The following SHISA9 variants were observed in gnomAD, a reference collection of about 807,000 sequenced individuals.
SHISA9 encodes the protein protein shisa-9.
A neutral mutation model predicts 38.0 loss-of-function variants in SHISA9; 13 were observed. The ratio of observed to expected loss-of-function variants is 0.34; its 90% confidence interval spans 0.22 to 0.54. SHISA9 has a LOEUF of 0.54. Ranked by LOEUF, SHISA9 falls within the 20% of genes least tolerant of loss-of-function variation. The pLI is 0.91. For missense variants in SHISA9, 538 were observed against 575.8 expected, an observed-to-expected ratio of 0.93 and a Z score of 0.67; for synonymous variants, 275 against 242.0, an observed-to-expected ratio of 1.14 and a Z score of -1.27.
intron 2 of SHISA9, among the ~76,000 whole-genome samples, chr16:13,001,274 A>G (rs762740780): frequency 2.4e-4 from 36 of 152,218 alleles, no homozygotes; most frequent in Non-Finnish European, 4.7e-4. Context: ...CTTGTGGCAC[A>G]GACTCCAGAT....
chr16:13,104,548 A>G (rs1160661926), intron 2 of SHISA9, among the ~76,000 whole-genome samples: 1 of 152,252 alleles, frequency 6.6e-6, no homozygotes, highest in African/African-American at 2.4e-5. Context: ...GATATCTGCT[A>G]CAACATGGGT....
chr16:13,288,789 T>TAAAACAAAAACAAAAACA, the SHISA9 span, among the ~76,000 whole-genome samples: 1 of 151,964 alleles, frequency 6.6e-6, no homozygotes, highest in Admixed American at 6.5e-5. Flanking sequence ...GACTCTGTCT[T>TAAAACAAAAACAAAAACA]AAAACAAAAA....
At chr16:13,267,099 A>G in the SHISA9 span, among the ~76,000 whole-genome samples, 1 of 152,200 alleles carries the variant, frequency 6.6e-6, no homozygotes, top group Admixed American at 6.5e-5. Context: ...TATTTTTAAA[A>G]ATGTCTTTAA....
At chr16:13,362,446 A>G in the SHISA9 span, among the ~76,000 whole-genome samples, 1 of 152,012 alleles carries the variant, frequency 6.6e-6, no homozygotes, top group Non-Finnish European at 1.5e-5. Context: ...AAAACAAAAC[A>G]AAACAAACAA....
the SHISA9 span, among the ~76,000 whole-genome samples, chr16:13,351,225 T>C: frequency 2.3e-4 from 35 of 152,260 alleles, no homozygotes; most frequent in Middle Eastern, 3.4e-3. Context: ...GTCCCTTACC[T>C]ACACTGCCTG....
the SHISA9 span, among the ~76,000 whole-genome samples, chr16:13,398,700 C>G: frequency 7.2e-5 from 11 of 151,912 alleles, no homozygotes; most frequent in Admixed American, 7.2e-4. Flanking sequence ...TTAGTAGAGA[C>G]AGAGTTTCAC....
At chr16:13,521,368 C>T in the SHISA9 span, among the ~76,000 whole-genome samples, 2 of 152,130 alleles carry the variant, frequency 1.3e-5, no homozygotes, top group African/African-American at 4.8e-5. Flanking sequence ...CTATTTTTTC[C>T]AAAACCCCTA....
intron 1 of SHISA9, among the ~76,000 whole-genome samples, chr16:12,907,832 G>T (rs1012380885): frequency 6.6e-6 from 1 of 152,168 alleles, no homozygotes; most frequent in African/African-American, 2.4e-5. Flanking sequence ...TCACGCAGCA[G>T]CTATTGGTTG....
the SHISA9 span, among the ~76,000 whole-genome samples, chr16:13,422,217 A>T: frequency 6.6e-6 from 1 of 152,014 alleles, no homozygotes; most frequent in African/African-American, 2.4e-5. Flanking sequence ...GTGAGGCTCC[A>T]AGGATGTAAC....
intron 2 of SHISA9, among the ~76,000 whole-genome samples, chr16:13,029,333 C>T (rs7189254): frequency 0.065 from 9,840 of 152,096 alleles, 639 homozygotes; most frequent in East Asian, 0.17. Context: ...TGGCTGAACA[C>T]GGTGGCTTAC....
intron 2 of SHISA9, among the ~76,000 whole-genome samples, chr16:12,991,680 G>A (rs143308553): frequency 4.0e-4 from 61 of 152,238 alleles, no homozygotes; most frequent in African/African-American, 1.3e-3. Context: ...AGAGGAAGAT[G>A]AGCTGAGTCA....
At chr16:12,927,476 G>T (rs2071405765) in intron 2 of SHISA9, among the ~76,000 whole-genome samples, 1 of 152,100 alleles carries the variant, frequency 6.6e-6, no homozygotes, top group Non-Finnish European at 1.5e-5. Context: ...ACAGCTCACT[G>T]CAGTGTTACC....
the SHISA9 span, among the ~76,000 whole-genome samples, chr16:13,498,322 A>C: frequency 6.6e-6 from 1 of 152,240 alleles, no homozygotes; most frequent in Non-Finnish European, 1.5e-5. Flanking sequence ...CAATGCTAGT[A>C]GTGTAAAGAC....
At chr16:13,467,533 T>C in the SHISA9 span, among the ~76,000 whole-genome samples, 1 of 152,214 alleles carries the variant, frequency 6.6e-6, no homozygotes, top group Non-Finnish European at 1.5e-5. Flanking sequence ...CTCCAACTTG[T>C]ACGTGGCCTA....
the SHISA9 span, among the ~76,000 whole-genome samples, chr16:13,247,329 T>G: frequency 6.6e-6 from 1 of 152,194 alleles, no homozygotes; most frequent in Admixed American, 6.5e-5. Context: ...ATCAATCATC[T>G]TAATTAAACT....
the SHISA9 span, among the ~76,000 whole-genome samples, chr16:13,487,401 C>T: frequency 6.6e-6 from 1 of 152,162 alleles, no homozygotes; most frequent in East Asian, 1.9e-4. Flanking sequence ...AGGAAGCTTA[C>T]AATCATGGCA....
the SHISA9 span, among the ~76,000 whole-genome samples, chr16:13,310,753 G>A: frequency 2.6e-4 from 37 of 143,844 alleles, no homozygotes; most frequent in African/African-American, 6.8e-4. Context: ...GTGCAATCTC[G>A]GCCCACTGCA....
At chr16:13,374,920 T>C in the SHISA9 span, among the ~76,000 whole-genome samples, 15 of 152,242 alleles carry the variant, frequency 9.9e-5, no homozygotes, top group African/African-American at 2.9e-4. Flanking sequence ...TGGCCAGCGA[T>C]GATGAGCATT....
At chr16:13,015,907 T>TTTCTTTC (rs1401124062) in intron 2 of SHISA9, among the ~76,000 whole-genome samples, 1 of 61,644 alleles carries the variant, frequency 1.6e-5, no homozygotes, top group Non-Finnish European at 4.2e-5. Context: ...TCTTTCTTTC[T>TTTCTTTC]TTTCTTTCTT....
Sources: allele counts gnomAD v4.1 joint callset (sites outside exome capture counted in the v4.1 genomes callset), GRCh38; gene constraint gnomAD v4.1.1; transcripts MANE v1.5; gene names NCBI Gene and HGNC (gene_info 2026-07-23, HGNC 2026-07-21).